Variants in MALRD1 observed in about 807,000 individuals in gnomAD.
MALRD1 encodes MAM and LDL receptor class A domain containing 1, also known as MAM and LDL-receptor class A domain-containing protein 1.
MALRD1 carries 247 observed loss-of-function variants against 242.1 expected under a neutral mutation model. That is an observed-to-expected ratio of 1.02 (90% CI 0.92 to 1.13). MALRD1 has a LOEUF of 1.13. Ranked by LOEUF, MALRD1 falls within the 50% of genes most tolerant of loss-of-function variation. The pLI is 0.00. For missense variants in MALRD1, 2,989 were observed against 2,533.1 expected (o/e 1.18, Z -3.86); for synonymous variants, 995 against 866.6 (o/e 1.15, Z -2.60).
chr10:19,495,857 C>T (rs1243392186), intron 30 of MALRD1, among the ~76,000 whole-genome samples: 1 of 152,048 alleles, frequency 6.6e-6, no homozygotes, highest in East Asian at 1.9e-4. Context: ...CACCCGTAGG[C>T]TCAAAATAAA....
chr10:19,685,722 G>C (rs1842555228), intron 36 of MALRD1, among the ~76,000 whole-genome samples: 1 of 152,186 alleles, frequency 6.6e-6, no homozygotes, highest in South Asian at 2.1e-4. Context: ...CCTAGCAGAT[G>C]AGTACCTGAC....
chr10:19,427,061 A>T (rs1833931278), intron 28 of MALRD1, among the ~76,000 whole-genome samples: 1 of 152,040 alleles, frequency 6.6e-6, no homozygotes, highest in African/African-American at 2.4e-5. Flanking sequence ...TTTTACATGA[A>T]TTTTCTCTTA....
chr10:19,133,772 C>A, intron 8 of MALRD1, 84 bp from the exon 9 acceptor site: 1 of 516,224 alleles, frequency 1.9e-6, no homozygotes, highest in Non-Finnish European at 3.0e-6. Flanking sequence ...GTAATACCTA[C>A]TACAGTGTAA....
chr10:19,388,289 G>A (rs1323485753), intron 27 of MALRD1, among the ~76,000 whole-genome samples: 1 of 152,134 alleles, frequency 6.6e-6, no homozygotes, highest in African/African-American at 2.4e-5. Context: ...ACATTCATAA[G>A]AACTGGGGTT....
intron 12 of MALRD1, among the ~76,000 whole-genome samples, chr10:19,156,807 T>G (rs1834164456): frequency 6.6e-6 from 1 of 152,152 alleles, no homozygotes; most frequent in Admixed American, 6.5e-5. Flanking sequence ...TTTATCATTG[T>G]TTCCACTTGA....
intron 13 of MALRD1, among the ~76,000 whole-genome samples, chr10:19,173,115 T>A (rs1046165184): frequency 6.6e-6 from 1 of 152,132 alleles, no homozygotes; most frequent in East Asian, 1.9e-4. Context: ...TATCTTTAGA[T>A]ACCAGTTTAT....
chr10:19,660,061 T>C (rs1326435454), intron 36 of MALRD1, among the ~76,000 whole-genome samples: 3 of 152,170 alleles, frequency 2.0e-5, no homozygotes, highest in Non-Finnish European at 2.9e-5. Flanking sequence ...CGTGTTTCTC[T>C]CTGGGGGTTT....
At chr10:19,560,983 G>GA (rs1270245511) in intron 32 of MALRD1, among the ~76,000 whole-genome samples, 1 of 151,660 alleles carries the variant, frequency 6.6e-6, no homozygotes, top group Non-Finnish European at 1.5e-5. Flanking sequence ...CATACTAAAG[G>GA]AAAAAATAAA....
At chr10:19,481,325 T>C (rs749725035) in intron 29 of MALRD1, among the ~76,000 whole-genome samples, 4 of 152,192 alleles carry the variant, frequency 2.6e-5, no homozygotes, top group Non-Finnish European at 5.9e-5. Flanking sequence ...GATATGTGCA[T>C]TGACCTTTAA....
chr10:19,514,499 C>T lies in MALRD1; in HGVS notation c.5320+15853C>T, dbSNP rs567877845. On this transcript the variant is annotated intron_variant, in intron 31 of 39. Transcript: ENST00000454679. ...CTAAGTTAGTTCAACGTCAAAAGAT[C>T]CTAATTTAGACTTTGATTTTGGGAA... Among the ~76,000 whole-genome samples, 5 of 152,082 alleles carry T rather than the reference C, an allele frequency of 3.3e-5. No homozygotes were observed. In the South Asian group the frequency reaches 8.3e-4, roughly 25 times the overall value.
chr10:19,467,542 C>A (rs1295692757), intron 29 of MALRD1, among the ~76,000 whole-genome samples: 2 of 151,714 alleles, frequency 1.3e-5, no homozygotes, highest in Admixed American at 6.6e-5. Flanking sequence ...ATTTGAGATA[C>A]CAGGGGTTGG....
intron 4 of MALRD1, among the ~76,000 whole-genome samples, chr10:19,102,508 A>T (rs1031525068): frequency 6.6e-6 from 1 of 152,162 alleles, no homozygotes; most frequent in Admixed American, 6.5e-5. Context: ...GGATGAAAGA[A>T]TTTCCCATAG....
intron 19 of MALRD1, 130 bp from the exon 20 acceptor site, chr10:19,279,917 A>G (rs1403830123): frequency 3.3e-6 from 2 of 599,976 alleles, no homozygotes; most frequent in Non-Finnish European, 5.1e-6. Context: ...TTAGCAGAGT[A>G]GCTGATACTA....
intron 34 of MALRD1, among the ~76,000 whole-genome samples, chr10:19,603,430 G>A (rs1056894442): frequency 1.3e-5 from 2 of 152,182 alleles, no homozygotes; most frequent in South Asian, 4.2e-4. Flanking sequence ...AGTTTTCCCA[G>A]CACCATTTAT....
chr10:19,701,184 AAGAG>A (rs1454484749), intron 38 of MALRD1, among the ~76,000 whole-genome samples: 1 of 152,030 alleles, frequency 6.6e-6, no homozygotes, highest in African/African-American at 2.4e-5. Context: ...AAAAGAGAGA[AAGAG>A]AGAGAGGAGT....
intron 29 of MALRD1, among the ~76,000 whole-genome samples, chr10:19,456,757 T>TTATG: frequency 7.4e-6 from 1 of 135,972 alleles, no homozygotes; most frequent in East Asian, 2.2e-4. Context: ...TGACATTTAT[T>TTATG]TATTTATTTA....
chr10:19,109,207 G>A lies in MALRD1; in HGVS notation c.694+5132G>A, dbSNP rs1457105773. ...CCTTGGACAAGCTTCCCCACTGGGGGTGGGGATGCTGGGCTGTTCTGAATG... is the reference window on the plus strand; with the variant it reads ...CCTTGGACAAGCTTCCCCACTGGGGATGGGGATGCTGGGCTGTTCTGAATG... On this transcript the variant is annotated intron_variant, in intron 5 of 39. Coordinates refer to ENST00000454679, the MANE Select transcript of MALRD1 (RefSeq NM_001142308.3). 2.6e-5 allele frequency among the ~76,000 whole-genome samples: 4 copies of A among 152,182 alleles called. No individual in the cohort carries two copies. The East Asian group carries it at 7.7e-4, about 29-fold the overall frequency.
At chr10:19,590,546 T>A (rs1287093839) in intron 33 of MALRD1, among the ~76,000 whole-genome samples, 1 of 151,902 alleles carries the variant, frequency 6.6e-6, no homozygotes, top group African/African-American at 2.4e-5. Context: ...GGAACCTGGC[T>A]TATAACACTC....
intron 7 of MALRD1, among the ~76,000 whole-genome samples, chr10:19,126,264 A>G (rs994004839): frequency 1.3e-5 from 2 of 152,180 alleles, no homozygotes; most frequent in African/African-American, 4.8e-5. Flanking sequence ...ATGCACATAT[A>G]TCATCACTTG....
Sources: allele counts gnomAD v4.1 joint callset (sites outside exome capture counted in the v4.1 genomes callset), GRCh38; gene constraint gnomAD v4.1.1; transcripts MANE v1.5; gene names NCBI Gene and HGNC (gene_info 2026-07-23, HGNC 2026-07-21).